The following PPP6R2 variants were observed in gnomAD, a reference collection of about 807,000 sequenced individuals.
PPP6R2 encodes the protein protein phosphatase 6 regulatory subunit 2, also known as serine/threonine-protein phosphatase 6 regulatory subunit 2.
Under a neutral mutation model 100.2 loss-of-function variants are expected in PPP6R2, and 62 were observed. That is an observed-to-expected ratio of 0.62 (90% confidence interval 0.50 to 0.76). PPP6R2 has a LOEUF of 0.76. Among genes scored for constraint, PPP6R2 ranks in the 30% least tolerant of loss-of-function variants. PPP6R2 has a pLI of 0.00. For synonymous variants in PPP6R2, 525 were observed against 514.7 expected, an observed-to-expected ratio of 1.02 and a Z score of -0.27; for missense variants, 1,142 against 1,276.3, an observed-to-expected ratio of 0.89 and a Z score of 1.60.
chr22:50,414,696 G>A lies in PPP6R2; in HGVS notation c.552+7G>A. ...CCGGCAGGACGTCCTGCACGTGAGT[G>A]CGGGAGTCCCCCCCCGTTCCCGAGG... On this transcript the variant is annotated splice_region_variant and intron_variant, in intron 5 of 23. Transcript: ENST00000612753. The A allele has an allele frequency of 2.5e-6, 4 of 1,586,622 alleles. No homozygotes were observed. The highest frequency in any genetic ancestry group is 3.4e-6 in the Non-Finnish European group (4 of 1,171,774).
At chr22:50,369,905 ATTT>A (rs1353992863) in intron 1 of PPP6R2, among the ~76,000 whole-genome samples, 17 of 123,596 alleles carry the variant, frequency 1.4e-4, no homozygotes, top group Non-Finnish European at 1.3e-4. Flanking sequence ...CAGCTAAGTA[ATTT>A]TTTTTTTTTT....
intron 3 of PPP6R2, among the ~76,000 whole-genome samples, chr22:50,405,700 AAGGCCTGGAGAGAGGTGAG>A (rs558572076): frequency 2.1e-5 from 1 of 47,528 alleles, no homozygotes; most frequent in Non-Finnish European, 4.2e-5. Context: ...GGCGAGTGTG[AAGGCCTGGAGAGAGGTGAG>A]AGGCCTGGAG....
chr22:50,437,777 G>A, intron 16 of PPP6R2, 66 bp from the exon 17 acceptor site: 1 of 1,518,254 alleles, frequency 6.6e-7, no homozygotes, highest in East Asian at 2.5e-5. Flanking sequence ...CGGGGGAGGA[G>A]CACTGAGGCC....
chr22:50,440,170 C>G (rs1773662413), intron 21 of PPP6R2, 121 bp downstream of exon 21: 2 of 890,284 alleles, frequency 2.2e-6, no homozygotes, highest in African/African-American at 3.4e-5. Context: ...TGCTACGTCT[C>G]TGGTGACATT....
chr22:50,404,542 T>C (rs1033322617), intron 3 of PPP6R2, among the ~76,000 whole-genome samples: 5 of 151,394 alleles, frequency 3.3e-5, no homozygotes, highest in African/African-American at 1.2e-4. Context: ...CAGCCTCCCA[T>C]GTAGCTGAGA....
At chr22:50,333,665 A>G in the PPP6R2 span, among the ~76,000 whole-genome samples, 61 of 152,124 alleles carry the variant, frequency 4.0e-4, no homozygotes, top group Admixed American at 1.2e-3. Flanking sequence ...TGTTTTGACT[A>G]TTTTGTGTAG....
chr22:50,343,669 C>T (rs983365174), intron 1 of PPP6R2, 119 bp downstream of exon 1: 1 of 106,442 alleles, frequency 9.4e-6, no homozygotes, highest in Non-Finnish European at 1.8e-5. Context: ...CAGTCAGTTC[C>T]CCCTCCAGTC....
At chr22:50,349,398 G>A (rs1043757933) in intron 1 of PPP6R2, among the ~76,000 whole-genome samples, 3 of 151,026 alleles carry the variant, frequency 2.0e-5, no homozygotes, top group Non-Finnish European at 2.9e-5. Flanking sequence ...GCTGGACGTG[G>A]TGACTCGTGC....
At chr22:50,393,528 G>A (rs1954196934) in intron 2 of PPP6R2, 1 of 985,136 alleles carries the variant, frequency 1.0e-6, no homozygotes, top group Non-Finnish European at 1.2e-6. Flanking sequence ...GCACGCTGGT[G>A]GGTGGGGGAC....
chr22:50,354,790 T>A (rs549522802), intron 1 of PPP6R2, among the ~76,000 whole-genome samples: 48 of 151,910 alleles, frequency 3.2e-4, no homozygotes, highest in Middle Eastern at 3.4e-3. Flanking sequence ...ACAGTGAGAC[T>A]CTCTCTCGTA....
At chr22:50,424,946 C>T (rs1161158241) in intron 10 of PPP6R2, among the ~76,000 whole-genome samples, 1 of 152,202 alleles carries the variant, frequency 6.6e-6, no homozygotes, top group Non-Finnish European at 1.5e-5. Context: ...AGCCCCTTTT[C>T]CTTCTTCAAA....
chr22:50,438,155 T>C lies in PPP6R2; in HGVS notation c.1840-19T>C. ...CCCCCAGACCCTCTGGAAACTCACCTTGGCGTTTTACTCTGCAGCCCAGCG... is the reference window on the plus strand; with the variant it reads ...CCCCCAGACCCTCTGGAAACTCACCCTGGCGTTTTACTCTGCAGCCCAGCG... On this transcript the variant is annotated intron_variant, in intron 17 of 23. Coordinates refer to ENST00000612753, the MANE Select transcript of PPP6R2 (RefSeq NM_001242898.2). The C allele has an allele frequency of 6.2e-7, 1 of 1,603,324 alleles. No homozygotes were observed. Among genetic ancestry groups the C allele is most frequent in the African/African-American group, 1.3e-5 (1 of 74,752 alleles).
chr22:50,436,961 G>T (rs760433073), intron 14 of PPP6R2, 27 bp from the exon 15 acceptor site: 1 of 1,542,344 alleles, frequency 6.5e-7, no homozygotes, highest in Non-Finnish European at 8.8e-7. Context: ...TGGCTCACAC[G>T]CCCACCCCAT....
intron 10 of PPP6R2, among the ~76,000 whole-genome samples, chr22:50,426,987 G>C (rs8139455): frequency 0.02 from 3,060 of 151,990 alleles, 98 homozygotes; most frequent in African/African-American, 0.071. Context: ...AGGAGATTGA[G>C]ACCATCCTGG....
At chr22:50,395,756 G>C (rs950981574) in intron 3 of PPP6R2, among the ~76,000 whole-genome samples, 3 of 151,606 alleles carry the variant, frequency 2.0e-5, no homozygotes, top group African/African-American at 7.3e-5. Context: ...TTGTAGAGAC[G>C]GGGTTTCACC....
chr22:50,439,937 TC>T (rs1229077461), intron 20 of PPP6R2, 23 bp from the exon 21 acceptor site: 4 of 1,612,092 alleles, frequency 2.5e-6, no homozygotes, highest in Admixed American at 1.7e-5. Flanking sequence ...CCAGGACTGA[TC>T]CTGTCCTCGT....
chr22:50,350,970 T>C (rs1602059471), intron 1 of PPP6R2, among the ~76,000 whole-genome samples: 1 of 149,448 alleles, frequency 6.7e-6, no homozygotes, highest in Non-Finnish European at 1.5e-5. Context: ...GCATGGTCAA[T>C]GAGCAGTAAT....
chr22:50,400,615 CAG>C (rs1334691168), intron 3 of PPP6R2, among the ~76,000 whole-genome samples: 2 of 152,156 alleles, frequency 1.3e-5, no homozygotes, highest in African/African-American at 4.8e-5. Flanking sequence ...TGGGTCAGGA[CAG>C]GGGATCCCCA....
chr22:50,395,453 G>T (rs1569393775), intron 3 of PPP6R2, among the ~76,000 whole-genome samples: 1 of 152,210 alleles, frequency 6.6e-6, no homozygotes, highest in African/African-American at 2.4e-5. Context: ...AGTGTCCCCA[G>T]GTGACGCCTC....
Sources: allele counts gnomAD v4.1 joint callset (sites outside exome capture counted in the v4.1 genomes callset), GRCh38; gene constraint gnomAD v4.1.1; transcripts MANE v1.5; gene names NCBI Gene and HGNC (gene_info 2026-07-23, HGNC 2026-07-21).